Variants in ZNF431 observed in about 807,000 individuals in gnomAD.
The protein encoded by ZNF431 is zinc finger protein 431.
In ZNF431, 34 loss-of-function variants were observed where a neutral mutation model predicts 57.0. That is an observed-to-expected ratio of 0.60 (90% CI 0.45 to 0.79). The LOEUF is 0.79. ZNF431 is among the 30% of genes least tolerant of loss of function. The probability of loss-of-function intolerance (pLI) is 0.00; values close to 1 mark genes in which losing one functional copy is unlikely to be tolerated. For missense variants in ZNF431, 607 were observed against 667.1 expected (o/e 0.91, Z 0.99); for synonymous variants, 207 against 220.3 (o/e 0.94, Z 0.54).
intron 2 of ZNF431, among the ~76,000 whole-genome samples, chr19:21,157,848 A>ATTTTTTTTTTTT (rs112684254): frequency 7.3e-6 from 1 of 137,692 alleles, no homozygotes. Context: ...TTTTTAATGA[A>ATTTTTTTTTTTT]TTTTTTTTTT....
intron 2 of ZNF431, chr19:21,150,985 A>C (rs1024271193): frequency 6.6e-6 from 1 of 152,172 alleles, no homozygotes; most frequent in Non-Finnish European, 1.5e-5. Context: ...GTTTTTCCCA[A>C]GGTGTCCCAG....
chr19:21,153,144 G>A (rs890510942), intron 2 of ZNF431, among the ~76,000 whole-genome samples: 4 of 152,172 alleles, frequency 2.6e-5, no homozygotes, highest in Admixed American at 6.5e-5. Context: ...CATAGCACTG[G>A]TGGGAGTGTA....
chr19:21,162,776 T>C (rs1401712936), intron 2 of ZNF431: 1 of 984,880 alleles, frequency 1.0e-6, no homozygotes, highest in Non-Finnish European at 1.2e-6. Flanking sequence ...AAATAAACTG[T>C]ATATTTTGGG....
At chr19:21,181,928 G>A (rs1971219491) in intron 4 of ZNF431, among the ~76,000 whole-genome samples, 3 of 151,102 alleles carry the variant, frequency 2.0e-5, no homozygotes, top group African/African-American at 7.3e-5. Flanking sequence ...CTTTGTCCTG[G>A]CATAGTCTGA....
intron 2 of ZNF431, among the ~76,000 whole-genome samples, chr19:21,146,347 T>A (rs1432013892): frequency 6.8e-6 from 1 of 147,744 alleles, no homozygotes; most frequent in African/African-American, 2.5e-5. Flanking sequence ...GAGGCAGAGG[T>A]TGTAGTGAGC....
Position 21,142,098 on chromosome 19 carries a change from C to G in ZNF431, c.-86C>G, listed in dbSNP as rs1264955978. On this transcript the variant is annotated 5_prime_UTR_variant, in exon 1 of 5. Transcript: ENST00000311048. ...CTTCGCTGCTCTGTGTCCTCTGCTC[C>G]TAGAGGCCCAACATCTGTGGCCCTG... The G allele has an allele frequency of 5.7e-6, 9 of 1,572,964 alleles. No individual in the cohort carries two copies. The East Asian group carries it at 2.0e-4, about 35-fold the overall frequency.
At chr19:21,174,474 C>G (rs1372821697) in intron 4 of ZNF431, among the ~76,000 whole-genome samples, 1 of 152,064 alleles carries the variant, frequency 6.6e-6, no homozygotes, top group Non-Finnish European at 1.5e-5. Flanking sequence ...TAAATTGACT[C>G]ATTTGACCGT....
At position 21,190,273 on chromosome 19, in the gene ZNF431, T is replaced by C. The variant is rs1971480736; in HGVS notation, c.*6239T>C. ...TACTCATTAGATGTTGAACTGTTTA[T>C]TCTGTATTTTGGCTATTGTGAAACA... On this transcript the variant is annotated 3_prime_UTR_variant, in exon 5 of 5. Coordinates refer to ENST00000311048, the MANE Select transcript of ZNF431 (RefSeq NM_133473.4). 6.1e-6 allele frequency: 1 copy of C among 164,790 alleles called. No homozygotes were observed. Among genetic ancestry groups the C allele is most frequent in the South Asian group, 2.0e-4 (1 of 4,946 alleles). 10.2% of individuals were successfully genotyped at this position (164,790 alleles called of 1,614,324 possible).
At chr19:21,152,067 T>C (rs1970290113) in intron 2 of ZNF431, among the ~76,000 whole-genome samples, 1 of 152,190 alleles carries the variant, frequency 6.6e-6, no homozygotes, top group Non-Finnish European at 1.5e-5. Flanking sequence ...GATCAAAATA[T>C]ATGTGACAAC....
intron 2 of ZNF431, among the ~76,000 whole-genome samples, chr19:21,157,867 T>G (rs1970462510): frequency 1.3e-5 from 2 of 149,108 alleles, no homozygotes; most frequent in South Asian, 4.3e-4. Flanking sequence ...TTTTTTTTGC[T>G]CTGTATTCTG....
At chr19:21,153,301 T>C (rs967280703) in intron 2 of ZNF431, among the ~76,000 whole-genome samples, 2 of 152,192 alleles carry the variant, frequency 1.3e-5, no homozygotes, top group Non-Finnish European at 2.9e-5. Flanking sequence ...TGAGTTAGAA[T>C]GTCTAACCAT....
chr19:21,172,026 T>G (rs1701343959), intron 4 of ZNF431, among the ~76,000 whole-genome samples: 1 of 151,914 alleles, frequency 6.6e-6, no homozygotes. Context: ...GGCCTGAATA[T>G]ATATTTTCTT....
intron 3 of ZNF431, 122 bp from the exon 4 acceptor site, chr19:21,167,449 G>C (rs537363518): frequency 2.3e-4 from 150 of 658,136 alleles, no homozygotes; most frequent in Middle Eastern, 5.4e-4. Flanking sequence ...GTGAGCAACT[G>C]CGCCCAGCCT....
Position 21,183,294 on chromosome 19 carries a change from C to T in ZNF431, c.991C>T (p.Leu331Phe), listed in dbSNP as rs767798830. Residue 331 changes from leucine to phenylalanine, a missense_variant, in exon 5 of 5, where the codon CTT becomes TTT. By Grantham distance (22) the Leu-to-Phe change is conservative. Coordinates refer to ENST00000311048, the MANE Select transcript of ZNF431 (RefSeq NM_133473.4). ...CAAAGCTTTTAACCAGTCTTCAACCCTTAGTACACATAAGTTCATTCATGC... is the reference window on the plus strand; with the variant it reads ...CAAAGCTTTTAACCAGTCTTCAACCTTTAGTACACATAAGTTCATTCATGC... ...CGKAFNQSST[L>F]STHKFIHAGE... 3.0e-5 allele frequency: 49 copies of T among 1,613,810 alleles called. No individual in the cohort carries two copies. Among genetic ancestry groups the T allele is most frequent in the Admixed American group, 2.2e-4 (13 of 59,986 alleles).
At chr19:21,180,728 C>T (rs987556003) in intron 4 of ZNF431, among the ~76,000 whole-genome samples, 6 of 150,820 alleles carry the variant, frequency 4.0e-5, no homozygotes, top group Non-Finnish European at 8.9e-5. Flanking sequence ...GCAGGCAGAT[C>T]ACAAGATCAA....
intron 4 of ZNF431, among the ~76,000 whole-genome samples, chr19:21,171,804 T>A (rs898055557): frequency 7.2e-6 from 1 of 138,346 alleles, no homozygotes; most frequent in Non-Finnish European, 1.5e-5. Flanking sequence ...CACGGCAACC[T>A]CCACCTCCCG....
At chr19:21,171,501 T>G (rs1014918442) in intron 4 of ZNF431, among the ~76,000 whole-genome samples, 1 of 152,030 alleles carries the variant, frequency 6.6e-6, no homozygotes, top group Non-Finnish European at 1.5e-5. Flanking sequence ...AATTAAGAGA[T>G]AAGTCAGCCA....
chr19:21,166,605 G>A (rs1970727109), intron 3 of ZNF431, 144 bp downstream of exon 3: 5 of 1,039,004 alleles, frequency 4.8e-6, no homozygotes, highest in Non-Finnish European at 6.8e-6. Context: ...ATTTGTCCGT[G>A]TGGAAAAGAA....
chr19:21,176,908 G>A (rs1971069854), intron 4 of ZNF431, among the ~76,000 whole-genome samples: 1 of 152,024 alleles, frequency 6.6e-6, no homozygotes, highest in South Asian at 2.1e-4. Context: ...TCTTAGCCAG[G>A]CTGGTCTTGA....
Sources: allele counts gnomAD v4.1 joint callset (sites outside exome capture counted in the v4.1 genomes callset), GRCh38; gene constraint gnomAD v4.1.1; transcripts MANE v1.5; gene names NCBI Gene and HGNC (gene_info 2026-07-23, HGNC 2026-07-21).